Variants in FHIT observed in about 807,000 individuals in gnomAD.
FHIT encodes bis(5'-adenosyl)-triphosphatase.
A neutral mutation model predicts 17.9 loss-of-function variants in FHIT; 19 were observed. The observed-to-expected ratio is 1.06, with a 90% CI of 0.74 to 1.56. The LOEUF is 1.56. FHIT is among the 40% of genes most tolerant of loss of function. The pLI, the probability that FHIT is intolerant of heterozygous loss-of-function variation, is 0.00. For synonymous variants in FHIT, 81 were observed against 69.7 expected (o/e 1.16, Z -0.81); for missense variants, 248 against 189.2 (o/e 1.31, Z -1.82).
intron 4 of FHIT, among the ~76,000 whole-genome samples, chr3:60,645,301 C>G (rs1450459194): frequency 6.6e-6 from 1 of 152,178 alleles, no homozygotes; most frequent in Non-Finnish European, 1.5e-5. Flanking sequence ...CCCTACCACC[C>G]AAGCAGTTGG....
Position 60,516,312 on chromosome 3 carries a change from G to A in FHIT, c.103+20548C>T, listed in dbSNP as rs1161642896. Among the ~76,000 whole-genome samples, 4 of 152,302 alleles carry A rather than the reference G, an allele frequency of 2.6e-5. No homozygotes were observed. The East Asian group carries it at 7.7e-4, about 29-fold the overall frequency. On this transcript the variant is annotated intron_variant, in intron 5 of 9. Coordinates refer to ENST00000492590, the MANE Select transcript of FHIT (RefSeq NM_002012.4). ...AAACAAAAAAACTAGTGTGAAGAGT[G>A]ACAAATCTCTAATGAATGGCTTGAT...
chr3:60,803,287 C>G (rs1204312939), intron 4 of FHIT, among the ~76,000 whole-genome samples: 2 of 152,176 alleles, frequency 1.3e-5, no homozygotes, highest in African/African-American at 4.8e-5. Flanking sequence ...GTGCAACATG[C>G]TTCCTCGTGA....
At chr3:60,667,527 TG>T in intron 4 of FHIT, among the ~76,000 whole-genome samples, 1 of 152,232 alleles carries the variant, frequency 6.6e-6, no homozygotes, top group Non-Finnish European at 1.5e-5. Context: ...ATCAAAAATT[TG>T]CAGCTGCTTT....
At chr3:59,768,545 T>G (rs1701915376) in intron 8 of FHIT, among the ~76,000 whole-genome samples, 1 of 152,232 alleles carries the variant, frequency 6.6e-6, no homozygotes, top group African/African-American at 2.4e-5. Context: ...TTCTAATTTA[T>G]CTTCCACTCT....
intron 8 of FHIT, among the ~76,000 whole-genome samples, chr3:59,907,136 G>C (rs1704620942): frequency 6.6e-6 from 1 of 152,200 alleles, no homozygotes. Context: ...ATTAGCCACA[G>C]GGACAGGAGT....
chr3:60,186,603 G>A (rs1276556674), intron 5 of FHIT, among the ~76,000 whole-genome samples: 6 of 152,200 alleles, frequency 3.9e-5, no homozygotes, highest in East Asian at 1.9e-4. Flanking sequence ...GGTGGGCTGC[G>A]TACAGAACAC....
At chr3:60,182,933 A>G (rs1216450554) in intron 5 of FHIT, among the ~76,000 whole-genome samples, 1 of 152,084 alleles carries the variant, frequency 6.6e-6, no homozygotes, top group African/African-American at 2.4e-5. Context: ...AAAAGAAAAA[A>G]AAGAAAAAAC....
intron 5 of FHIT, among the ~76,000 whole-genome samples, chr3:60,434,667 C>T (rs2030049829): frequency 1.3e-5 from 2 of 152,122 alleles, no homozygotes; most frequent in Admixed American, 1.3e-4. Flanking sequence ...TCTTGACAGA[C>T]TGGTACTAGT....
chr3:60,193,123 T>C lies in FHIT; in HGVS notation c.104-178971A>G, dbSNP rs555835592. Among the ~76,000 whole-genome samples, 4 of 152,312 alleles carry C rather than the reference T, an allele frequency of 2.6e-5. No homozygotes were observed. In the South Asian group the frequency reaches 6.2e-4, roughly 24 times the overall value. On this transcript the variant is annotated intron_variant, in intron 5 of 9. Coordinates refer to ENST00000492590, the MANE Select transcript of FHIT (RefSeq NM_002012.4). ...AAATCCTCAACCATGAGAAGGATAA[T>C]TAACAAAATACACTTCAGAAATATG...
At chr3:60,710,710 A>G (rs1165417528) in intron 4 of FHIT, among the ~76,000 whole-genome samples, 5 of 152,160 alleles carry the variant, frequency 3.3e-5, no homozygotes, top group African/African-American at 1.2e-4. Context: ...GGCGGCAGCG[A>G]GGCTGGGGAA....
chr3:60,272,399 T>C (rs903536169), intron 5 of FHIT, among the ~76,000 whole-genome samples: 19 of 152,148 alleles, frequency 1.2e-4, no homozygotes, highest in African/African-American at 4.1e-4. Flanking sequence ...AAGGCAGAGA[T>C]AGAGACCAGA....
intron 5 of FHIT, among the ~76,000 whole-genome samples, chr3:60,322,078 T>C (rs1010707542): frequency 3.3e-5 from 5 of 152,172 alleles, no homozygotes; most frequent in African/African-American, 9.6e-5. Context: ...GAATTTCCCA[T>C]GGAATTTTCA....
intron 2 of FHIT, among the ~76,000 whole-genome samples, chr3:61,188,294 CT>C (rs1448068100): frequency 6.6e-6 from 1 of 152,166 alleles, no homozygotes; most frequent in Non-Finnish European, 1.5e-5. Flanking sequence ...TCAGAGAATA[CT>C]ATAAACACCT....
intron 8 of FHIT, among the ~76,000 whole-genome samples, chr3:59,853,620 G>T (rs1431901690): frequency 6.6e-6 from 1 of 152,050 alleles, no homozygotes; most frequent in African/African-American, 2.4e-5. Flanking sequence ...AAGAAGTGAA[G>T]AATTTATAGT....
At chr3:60,337,124 G>A (rs1710282312) in intron 5 of FHIT, among the ~76,000 whole-genome samples, 1 of 152,068 alleles carries the variant, frequency 6.6e-6, no homozygotes, top group Non-Finnish European at 1.5e-5. Flanking sequence ...TTATTCTTGG[G>A]CTAAGTTCAC....
At chr3:59,893,760 CGTCCACAGCA>C (rs1352352298) in intron 8 of FHIT, among the ~76,000 whole-genome samples, 2 of 152,220 alleles carry the variant, frequency 1.3e-5, no homozygotes, top group Non-Finnish European at 2.9e-5. Flanking sequence ...AACTCCTATG[CGTCCACAGCA>C]GCCCCATGAT....
intron 5 of FHIT, among the ~76,000 whole-genome samples, chr3:60,437,271 G>T (rs2030355961): frequency 6.6e-6 from 1 of 152,090 alleles, no homozygotes. Flanking sequence ...GGACAGTGAT[G>T]TCACTGAGGC....
intron 2 of FHIT, among the ~76,000 whole-genome samples, chr3:61,072,110 G>T (rs2034827285): frequency 6.6e-6 from 1 of 152,158 alleles, no homozygotes. Context: ...CTATGACCAT[G>T]GGTAAGGTCA....
intron 5 of FHIT, among the ~76,000 whole-genome samples, chr3:60,164,769 G>T (rs945201928): frequency 1.1e-4 from 17 of 152,002 alleles, no homozygotes; most frequent in Admixed American, 7.2e-4. Flanking sequence ...TCCTAGTTTG[G>T]GATAGTTCAA....
Sources: allele counts gnomAD v4.1 joint callset (sites outside exome capture counted in the v4.1 genomes callset), GRCh38; gene constraint gnomAD v4.1.1; transcripts MANE v1.5; gene names NCBI Gene and HGNC (gene_info 2026-07-23, HGNC 2026-07-21).